The following CFAP65 variants were observed in gnomAD, a reference collection of about 807,000 sequenced individuals.
The protein encoded by CFAP65 is cilia and flagella associated protein 65, also known as cilia- and flagella-associated protein 65.
Under a neutral mutation model 208.0 loss-of-function variants are expected in CFAP65, and 155 were observed. The observed-to-expected ratio is 0.75, with a 90% CI of 0.65 to 0.85. The LOEUF (loss-of-function observed/expected upper bound fraction) is 0.85. CFAP65 is among the 40% of genes least tolerant of loss of function. CFAP65 has a pLI of 0.00. For missense variants in CFAP65, 2,294 were observed against 2,451.3 expected (o/e 0.94, Z 1.36); for synonymous variants, 970 against 986.3 (o/e 0.98, Z 0.31).
intron 14 of CFAP65, among the ~76,000 whole-genome samples, chr2:219,025,758 T>C (rs1188345238): frequency 1.3e-5 from 2 of 152,102 alleles, no homozygotes; most frequent in Non-Finnish European, 2.9e-5. Context: ...CTGAGAGTCA[T>C]AGGAGCCAGT....
At chr2:219,030,977 C>G (rs1427883645) in intron 8 of CFAP65, 129 bp downstream of exon 8, 1 of 1,423,982 alleles carries the variant, frequency 7.0e-7, no homozygotes, top group Non-Finnish European at 9.4e-7. Context: ...GCCTTCTGGG[C>G]TTGGGGGAGG....
chr2:219,024,475 CGGG>C (rs574257675), intron 14 of CFAP65, among the ~76,000 whole-genome samples: 1 of 32,946 alleles, frequency 3.0e-5, no homozygotes, highest in Non-Finnish European at 8.6e-5. Context: ...CAGAAAGGGG[CGGG>C]GGGGGGGCAG....
intron 4 of CFAP65, among the ~76,000 whole-genome samples, chr2:219,036,649 G>C (rs1351060398): frequency 1.3e-5 from 2 of 152,020 alleles, no homozygotes; most frequent in Non-Finnish European, 2.9e-5. Flanking sequence ...TCACCATGTT[G>C]GTCAGGCAGG....
chr2:219,013,708 G>T, intron 22 of CFAP65, 123 bp from the exon 23 acceptor site: 2 of 1,182,198 alleles, frequency 1.7e-6, no homozygotes, highest in Non-Finnish European at 2.5e-6. Flanking sequence ...TCGCCCTTGA[G>T]TTGGGATGGG....
At chr2:219,016,393 T>C (rs1286235439) in intron 21 of CFAP65, among the ~76,000 whole-genome samples, 1 of 150,702 alleles carries the variant, frequency 6.6e-6, no homozygotes, top group African/African-American at 2.5e-5. Flanking sequence ...CTTCCAGGTT[T>C]AAGCAATTCT....
intron 16 of CFAP65, among the ~76,000 whole-genome samples, chr2:219,022,617 C>T (rs140258755): frequency 5.5e-4 from 84 of 152,246 alleles, no homozygotes; most frequent in Non-Finnish European, 7.9e-4. Context: ...AGGGTGGGAG[C>T]GGGATGTCAA....
In CFAP65 at chr2:219,003,972, G is replaced by A. The variant is rs61738865; in HGVS notation, c.5535C>T (p.Asp1845=). 220 of 1,613,124 alleles carry A rather than the reference G, an allele frequency of 1.4e-4. 1 individual carries two copies. The African/African-American group carries it at 2.3e-3, about 17-fold the overall frequency. Residue 1845 remains aspartate (D), a synonymous_variant, in exon 33 of 35, where the codon GAC becomes GAT. Coordinates refer to ENST00000341552, the MANE Select transcript of CFAP65 (RefSeq NM_194302.4). This position sits in a 1 kb window ranked among gnomAD's most constrained non-coding sequence, Gnocchi z 4.4. ...NVMVKEEQEQ[D]EKEAIRRLPA... is the part of the protein sequence containing the mutation. ...CTCACCTTCTGATGGCCTCCTTCTC[G>A]TCCTGTTCTTGCTCCTCCTTCACCA...
At position 219,013,906 on chromosome 2, in the gene CFAP65, C is replaced by T. The variant is rs373436770; in HGVS notation, c.3741G>A (p.Leu1247=). ...LFSISPKAGS[L]SPGQEQMVEL... ...CCACCATCTGCTCCTGCCCAGGACT[C>T]AGGCTCCCAGCCTTGGGGCTGATGG... Residue 1247 remains leucine, a synonymous_variant, in exon 22 of 35, where the codon CTG becomes CTA. Transcript: ENST00000341552. The T allele has an allele frequency of 5.0e-6, 8 of 1,613,202 alleles. No individual in the cohort carries two copies. The highest frequency in any genetic ancestry group is 1.7e-5 in the Admixed American group (1 of 59,882).
At position 219,031,851 on chromosome 2, in the gene CFAP65, A is replaced by G. The variant is rs1360120619; in HGVS notation, c.646-193T>C. On this transcript the variant is annotated intron_variant, in intron 6 of 34. Transcript: ENST00000341552. The surrounding 1 kb of genome is among the most constrained non-coding windows in gnomAD (Gnocchi z 5.2). ...AACATTAGAGCCTCTTTTGTGGAAA[A>G]AGTATTTTGAGGAAATGTGGGTGGG... Among the ~76,000 whole-genome samples, 1 of 152,150 alleles carries G rather than the reference A, an allele frequency of 6.6e-6. No homozygotes were observed. Among genetic ancestry groups the G allele is most frequent in the Non-Finnish European group, 1.5e-5 (1 of 68,022 alleles).
Position 219,023,297 on chromosome 2 carries a change from G to A in CFAP65, c.2730C>T (p.Pro910=). 2 of 1,613,350 alleles carry A rather than the reference G, an allele frequency of 1.2e-6. No homozygotes were observed. The highest frequency in any genetic ancestry group is 2.2e-5 in the South Asian group (2 of 90,844). Residue 910 remains proline (P), a synonymous_variant, in exon 16 of 35, where the codon CCC becomes CCT. Transcript: ENST00000341552. ...CAGAGACCCTCCACTCGAACTGCAG[G>A]GGCAGACGCGAGGGGTTGCGGAAGG... The part of the protein sequence containing the change: ...PFTFRNPSRL[P]LQFEWRVSEQ...
At chr2:219,006,663 G>A (rs752419362) in intron 29 of CFAP65, among the ~76,000 whole-genome samples, 154 bp from the exon 30 acceptor site, 30 of 152,048 alleles carry the variant, frequency 2.0e-4, no homozygotes, top group Non-Finnish European at 8.8e-5. Context: ...GCGAAAGCCC[G>A]TCTCTACTAA....
At chr2:219,014,085 GC>G in intron 21 of CFAP65, 41 bp from the exon 22 acceptor site, 1 of 1,544,874 alleles carries the variant, frequency 6.5e-7, no homozygotes. Context: ...AACTGGTCAG[GC>G]AGAACAGAGA....
At chr2:219,027,565 C>T in intron 13 of CFAP65, 85 bp downstream of exon 13, 2 of 1,613,010 alleles carry the variant, frequency 1.2e-6, no homozygotes, top group Non-Finnish European at 1.7e-6. Flanking sequence ...CTGAAGCTGC[C>T]CTCGGTCACT....
At chr2:219,034,416 T>C (rs927872421) in intron 5 of CFAP65, 1 of 152,044 alleles carries the variant, frequency 6.6e-6, no homozygotes, top group African/African-American at 2.4e-5. Flanking sequence ...AAGGCAAAAA[T>C]ATAAAGTCTT....
intron 10 of CFAP65, 109 bp from the exon 11 acceptor site, chr2:219,029,777 G>T: frequency 7.2e-7 from 1 of 1,386,256 alleles, no homozygotes; most frequent in Non-Finnish European, 9.9e-7. Flanking sequence ...AGCCCTGGCA[G>T]CCTGAGCAGA....
At chr2:219,015,840 T>C (rs1946842828) in intron 21 of CFAP65, 1 of 152,216 alleles carries the variant, frequency 6.6e-6, no homozygotes, top group African/African-American at 2.4e-5. Flanking sequence ...TCCATCCATA[T>C]TGTGGCATAT....
chr2:219,019,788 C>T (rs1947158074), intron 19 of CFAP65, 69 bp from the exon 20 acceptor site: 1 of 1,372,114 alleles, frequency 7.3e-7, no homozygotes, highest in South Asian at 1.2e-5. Flanking sequence ...GCATGCAGGC[C>T]AAAGGTGCAG....
chr2:219,034,168 A>G (rs1948215870), intron 5 of CFAP65: 2 of 152,202 alleles, frequency 1.3e-5, no homozygotes, highest in South Asian at 4.1e-4. Context: ...TATTATAATG[A>G]TATCATTTCT....
intron 5 of CFAP65, chr2:219,035,069 C>A (rs899300905): frequency 5.1e-5 from 19 of 373,050 alleles, no homozygotes; most frequent in African/African-American, 4.0e-4. Context: ...AGGTTCCATC[C>A]CGCAAGGTCA....
Sources: allele counts gnomAD v4.1 joint callset (sites outside exome capture counted in the v4.1 genomes callset), GRCh38; gene constraint gnomAD v4.1.1; non-coding constraint Gnocchi (gnomAD v3.1); transcripts MANE v1.5; gene names NCBI Gene and HGNC (gene_info 2026-07-23, HGNC 2026-07-21).